CEP295: variants seen among roughly 807,000 people sequenced by gnomAD.
CEP295 encodes centrosomal protein 295, also known as centrosomal protein of 295 kDa.
Under a neutral mutation model 291.6 loss-of-function variants are expected in CEP295, and 190 were observed. The observed-to-expected ratio is 0.65, with a 90% CI of 0.58 to 0.73. CEP295 has a LOEUF of 0.73. CEP295 is among the 30% of genes least tolerant of loss of function. The pLI, the probability that CEP295 is intolerant of heterozygous loss-of-function variation, is 0.00. For synonymous variants in CEP295, 993 were observed against 1,038.8 expected, an observed-to-expected ratio of 0.96 and a Z score of 0.85; for missense variants, 2,863 against 2,949.4, an observed-to-expected ratio of 0.97 and a Z score of 0.68.
chr11:93,696,573 C>G (rs1380117227), intron 14 of CEP295, 109 bp from the exon 15 acceptor site: 2 of 1,130,030 alleles, frequency 1.8e-6, no homozygotes, highest in Admixed American at 2.8e-5. Context: ...TTTCTTTTCA[C>G]CATGAGTATT....
chr11:93,673,117 T>A (rs1950528170), intron 5 of CEP295, among the ~76,000 whole-genome samples: 1 of 152,188 alleles, frequency 6.6e-6, no homozygotes, highest in Non-Finnish European at 1.5e-5. Flanking sequence ...ATCTCTGAAT[T>A]TTTGTTTTGT....
Position 93,696,774 on chromosome 11 carries a change from C to G in CEP295, c.1862C>G (p.Ser621Ter), listed in dbSNP as rs1357818516. 2 of 1,551,428 alleles carry G rather than the reference C, an allele frequency of 1.3e-6. No homozygotes were observed. Among genetic ancestry groups the G allele is most frequent in the African/African-American group, 2.7e-5 (2 of 73,048 alleles). ...KGRCPSVSAP[S>*]LITDSVISVP... ...AGGTGCCCATCGGTGTCAGCTCCAT[C>G]ATTGATAACTGATTCTGTTATATCA... Residue 621 changes from serine to a stop codon, truncating the protein, a stop_gained, in exon 15 of 30, where the codon TCA (serine) becomes TGA (stop). Transcript: ENST00000325212. LOFTEE classifies it high-confidence loss of function.
intron 18 of CEP295, among the ~76,000 whole-genome samples, chr11:93,707,733 A>G (rs1446949611): frequency 6.6e-6 from 1 of 152,010 alleles, no homozygotes; most frequent in African/African-American, 2.4e-5. Flanking sequence ...TGGGCGACAG[A>G]GCGAGACTCC....
chr11:93,686,970 A>G (rs1951274016), intron 9 of CEP295, among the ~76,000 whole-genome samples: 1 of 152,210 alleles, frequency 6.6e-6, no homozygotes, highest in African/African-American at 2.4e-5. Flanking sequence ...AGCCAGAGAA[A>G]TATGTACTTG....
rs1418974289 is a variant in CEP295, at chr11:93,698,977, A to G, written c.4065A>G (p.Gln1355=). Residue 1355 remains glutamine, a synonymous_variant, in exon 15 of 30, where the codon CAA becomes CAG. Transcript: ENST00000325212. The stretch of plus-strand genomic sequence containing the variant: ...AACAAGATAATTTGAAGGCACTTCA[A>G]GAACAGTTAGCTACACAGAGAGAAG... ...QPQQDNLKAL[Q]EQLATQREAI... The G allele has an allele frequency of 6.4e-7, 1 of 1,550,484 alleles. No individual in the cohort carries two copies. The highest frequency in any genetic ancestry group is 1.4e-5 in the African/African-American group (1 of 73,052).
intron 19 of CEP295, 45 bp downstream of exon 19, chr11:93,721,457 C>A: frequency 8.6e-7 from 1 of 1,165,966 alleles, no homozygotes; most frequent in Non-Finnish European, 1.3e-6. Context: ...AGCTGTTTGG[C>A]TTCGTATTCT....
In CEP295 at chr11:93,668,816, T is replaced by C; in HGVS notation, c.318T>C (p.Asp106=). The change falls in exon 4 of 30, where the codon GAT becomes GAC. Residue 106 remains aspartate, a synonymous_variant. Coordinates refer to ENST00000325212, the MANE Select transcript of CEP295 (RefSeq NM_033395.2). The stretch of plus-strand genomic sequence containing the variant: ...GTAATATATATTTTTAGGAACCTGA[T>C]TTGGATGCTTTGGCACAGCGGGCAG... The part of the protein sequence containing the change: ...GHRQAKENEP[D]LDALAQRAAE... 6.6e-7 allele frequency: 1 copy of C among 1,520,752 alleles called. No individual in the cohort carries two copies. The highest frequency in any genetic ancestry group is 2.5e-5 in the East Asian group (1 of 40,432). 94.2% of individuals were successfully genotyped at this position (1,520,752 alleles called of 1,614,324 possible).
chr11:93,667,952 T>C (rs1950263142), intron 3 of CEP295, 145 bp downstream of exon 3: 2 of 616,358 alleles, frequency 3.2e-6, no homozygotes, highest in Non-Finnish European at 5.6e-6. Context: ...TTTAATGTAA[T>C]TTGTGAATAA....
In CEP295 at chr11:93,698,642, T is replaced by A. The variant is rs1304984456; in HGVS notation, c.3730T>A (p.Leu1244Met). The A allele has an allele frequency of 6.4e-7, 1 of 1,550,928 alleles. No individual in the cohort carries two copies. Among genetic ancestry groups the A allele is most frequent in the African/African-American group, 1.4e-5 (1 of 73,036 alleles). Residue 1244 changes from leucine (L) to methionine (M), a missense_variant, in exon 15 of 30, where the codon TTG becomes ATG. By Grantham distance (15) the Leu-to-Met change is conservative. This residue lies in a region of CEP295 where 2,295 missense variants were observed against 2,335.7 expected (regional missense o/e 0.98). Transcript: ENST00000325212. ...GATCCCAAGATGTCAGGAAAGACTT[T>A]TGAGAGTTTCACAACATATGCTACC... ...PKIPRCQERL[L>M]RVSQHMLPLQ...
intron 5 of CEP295, among the ~76,000 whole-genome samples, chr11:93,673,949 C>CCT (rs398115649): frequency 4.7e-5 from 7 of 150,300 alleles, no homozygotes; most frequent in Admixed American, 6.6e-5. Flanking sequence ...TTAATCCCCC[C>CCT]TTCTTTTTTT....
rs985065953 is a variant in CEP295 at position 93,706,829 on chromosome 11, A to G, written c.5681A>G (p.His1894Arg). 1.7e-5 allele frequency: 26 copies of G among 1,550,692 alleles called. No individual in the cohort carries two copies. Among genetic ancestry groups the G allele is most frequent in the East Asian group, 2.4e-5 (1 of 40,896 alleles). The change falls in exon 18 of 30, where the codon CAT becomes CGT. Residue 1894 changes from histidine (H) to arginine (R), a missense_variant. Coordinates refer to ENST00000325212, the MANE Select transcript of CEP295 (RefSeq NM_033395.2). ...AGTTTCTTTGGGAGCCCACTGGCCC[A>G]TGATCCGTTTAGTTGTCTTCAACTG... is the stretch of plus-strand genomic sequence containing the variant. ...EQSFFGSPLAHDPFSCLQLVG... is the reference protein window; with the variant it reads ...EQSFFGSPLARDPFSCLQLVG...
At chr11:93,717,052 G>A (rs1303254285) in intron 18 of CEP295, among the ~76,000 whole-genome samples, 1 of 152,190 alleles carries the variant, frequency 6.6e-6, no homozygotes, top group Non-Finnish European at 1.5e-5. Context: ...GAGCACATTA[G>A]ATAATATTAT....
intron 22 of CEP295, 70 bp from the exon 23 acceptor site, chr11:93,725,581 C>A: frequency 1.6e-6 from 2 of 1,242,594 alleles, no homozygotes; most frequent in Non-Finnish European, 2.2e-6. Context: ...ACCAAAGGAA[C>A]ACAATGATTA....
At chr11:93,686,486 GTTGT>G (rs763338546) in intron 9 of CEP295, among the ~76,000 whole-genome samples, 75 of 152,176 alleles carry the variant, frequency 4.9e-4, no homozygotes, top group African/African-American at 1.3e-3. Context: ...GTGTTGCCAA[GTTGT>G]TTGTTTGTTT....
chr11:93,722,844 G>T, intron 20 of CEP295, 197 bp from the exon 21 acceptor site: 1 of 435,566 alleles, frequency 2.3e-6, no homozygotes, highest in Non-Finnish European at 4.1e-6. Context: ...CCGAGTAGCT[G>T]GGACTACAGG....
chr11:93,725,611 C>G (rs984382848), intron 22 of CEP295, 40 bp from the exon 23 acceptor site: 31 of 1,446,314 alleles, frequency 2.1e-5, no homozygotes, highest in Non-Finnish European at 2.6e-5. Flanking sequence ...TTGTTAATAC[C>G]TAATCAGTAT....
chr11:93,695,496 G>A lies in CEP295; in HGVS notation c.1534-1G>A. The stretch of plus-strand genomic sequence containing the variant: ...TAGATCAATAGTATTTTGTTACCTA[G>A]ATAATGGAAATAGAAGAGCAGAAGC... On this transcript the variant is annotated splice_acceptor_variant, in intron 12 of 29. Transcript: ENST00000325212. LOFTEE classifies it high-confidence loss of function. 6.9e-7 allele frequency: 1 copy of A among 1,443,024 alleles called. No individual in the cohort carries two copies. Among genetic ancestry groups the A allele is most frequent in the Admixed American group, 3.5e-5 (1 of 28,504 alleles). 89.4% of individuals were successfully genotyped at this position (1,443,024 alleles called of 1,614,324 possible). A position where few individuals can be genotyped will look rare whatever the true frequency, so the allele number is the denominator to read the frequency against.
chr11:93,691,962 C>G lies in CEP295; in HGVS notation c.1465C>G (p.Gln489Glu). 1 of 1,546,454 alleles carries G rather than the reference C, an allele frequency of 6.5e-7. No individual in the cohort carries two copies. Among genetic ancestry groups the G allele is most frequent in the East Asian group, 2.4e-5 (1 of 40,842 alleles). Residue 489 changes from glutamine to glutamate, a missense_variant, in exon 12 of 30, where the codon CAG becomes GAG. Physicochemically the swap from Gln to Glu is conservative, Grantham distance 29. Transcript: ENST00000325212. ...GACTCTGCCTATCACAACTGTAGCTCAGAGTTCAGTTCTACTTCATCCTCA... is the reference window on the plus strand; with the variant it reads ...GACTCTGCCTATCACAACTGTAGCTGAGAGTTCAGTTCTACTTCATCCTCA... ...NETLPITTVA[Q>E]SSVLLHPQEA... is the part of the protein sequence containing the mutation.
chr11:93,700,335 TAAAAC>T (rs1315796821), intron 15 of CEP295, 149 bp downstream of exon 15: 6 of 737,892 alleles, frequency 8.1e-6, no homozygotes, highest in Non-Finnish European at 1.1e-5. Context: ...ATGTGGAAGT[TAAAAC>T]AAAAATCGAT....
Sources: allele counts gnomAD v4.1 joint callset (sites outside exome capture counted in the v4.1 genomes callset), GRCh38; gene constraint gnomAD v4.1.1; regional missense constraint gnomAD v4.1.1; transcripts MANE v1.5; gene names NCBI Gene and HGNC (gene_info 2026-07-23, HGNC 2026-07-21).